MEI1: variants seen among roughly 807,000 people sequenced by gnomAD.
MEI1 encodes the protein meiosis inhibitor protein 1.
In MEI1, 103 loss-of-function variants were observed where a neutral mutation model predicts 146.2. The observed-to-expected ratio is 0.70, with a 90% confidence interval of 0.60 to 0.83. The LOEUF is 0.83. Ranked by LOEUF, MEI1 falls within the 40% of genes least tolerant of loss-of-function variation. The pLI is 0.00. For missense variants in MEI1, 1,529 were observed against 1,533.0 expected (o/e 1.00, Z 0.04); for synonymous variants, 652 against 628.2 (o/e 1.04, Z -0.57).
chr22:41,744,268 T>C (rs182181958), intron 12 of MEI1, among the ~76,000 whole-genome samples: 1 of 152,084 alleles, frequency 6.6e-6, no homozygotes, highest in East Asian at 1.9e-4. Flanking sequence ...CCTCCGGGGT[T>C]CAAGCAATTC....
At chr22:41,753,003 A>G (rs1015003497) in intron 16 of MEI1, among the ~76,000 whole-genome samples, 2 of 151,206 alleles carry the variant, frequency 1.3e-5, no homozygotes, top group African/African-American at 4.9e-5. Context: ...CAGCATAGCA[A>G]GACCCTGGTC....
At chr22:41,721,619 C>T (rs1401981872) in intron 6 of MEI1, among the ~76,000 whole-genome samples, 1 of 151,360 alleles carries the variant, frequency 6.6e-6, no homozygotes, top group Non-Finnish European at 1.5e-5. Context: ...TCTTGAACTG[C>T]TGGGCTCAAG....
At chr22:41,773,649 G>A (rs185637093) in intron 20 of MEI1, among the ~76,000 whole-genome samples, 3 of 151,924 alleles carry the variant, frequency 2.0e-5, no homozygotes, top group Admixed American at 2.0e-4. Flanking sequence ...GCTGAGGCGG[G>A]TGGGTCACAA....
rs113484758 is a variant in MEI1 at position 41,793,806 on chromosome 22, ATTT to A, written c.3346-9_3346-7del. 2.2e-4 allele frequency: 308 copies of A among 1,399,186 alleles called. No individual in the cohort carries two copies. The highest frequency in any genetic ancestry group is 1.6e-3 in the African/African-American group (110 of 67,040). 86.7% of individuals were successfully genotyped at this position (1,399,186 alleles called of 1,614,324 possible). A position where few individuals can be genotyped will look rare whatever the true frequency, so the allele number is the denominator to read the frequency against. Reference sequence around the variant, plus strand: ...GCCATTGGTAGCAAAACCTGACCTGATTTTTTTTTTTTTTTTCTGCAGAAGGAC... The same window carrying A: ...GCCATTGGTAGCAAAACCTGACCTGATTTTTTTTTTTTTCTGCAGAAGGAC... On this transcript the variant is annotated intron_variant, in intron 26 of 30. Transcript: ENST00000401548.
intron 19 of MEI1, chr22:41,767,616 A>T (rs1481596982): frequency 2.2e-6 from 1 of 455,810 alleles, no homozygotes; most frequent in Non-Finnish European, 4.4e-6. Flanking sequence ...TAAGCTGTTG[A>T]ACACAACTCT....
chr22:41,746,970 A>G (rs1433331249), intron 14 of MEI1, among the ~76,000 whole-genome samples: 1 of 152,084 alleles, frequency 6.6e-6, no homozygotes, highest in Non-Finnish European at 1.5e-5. Context: ...CTAGAAGTAG[A>G]TCATAGAATT....
At chr22:41,775,083 T>A (rs753427581) in intron 20 of MEI1, among the ~76,000 whole-genome samples, 3 of 152,246 alleles carry the variant, frequency 2.0e-5, no homozygotes, top group Non-Finnish European at 4.4e-5. Flanking sequence ...AATTGGCTTC[T>A]TTGAGCTAGC....
At chr22:41,736,406 TC>T (rs1194353005) in intron 11 of MEI1, among the ~76,000 whole-genome samples, 2 of 151,778 alleles carry the variant, frequency 1.3e-5, no homozygotes, top group Non-Finnish European at 2.9e-5. Context: ...CCTGCCACCA[TC>T]CCTGGCTAAT....
chr22:41,738,325 A>G (rs1382944059), intron 11 of MEI1, among the ~76,000 whole-genome samples: 3 of 152,096 alleles, frequency 2.0e-5, no homozygotes, highest in Non-Finnish European at 4.4e-5. Flanking sequence ...GTGGTGGCTC[A>G]TGCCTGTAAT....
At chr22:41,737,463 T>C (rs1403007122) in intron 11 of MEI1, among the ~76,000 whole-genome samples, 1 of 151,962 alleles carries the variant, frequency 6.6e-6, no homozygotes, top group East Asian at 1.9e-4. Flanking sequence ...ATGATCTCGA[T>C]CTCCTGACCT....
rs772483793 is a variant in MEI1, at chr22:41,795,371, C to A, written c.3535-40C>A. The stretch of plus-strand genomic sequence containing the variant: ...CAGTTGTCTATGATGAAGGAGATGC[C>A]AAATCACTGGGTGTTTGGGGGTTTC... On this transcript the variant is annotated intron_variant, in intron 28 of 30. Coordinates refer to ENST00000401548, the MANE Select transcript of MEI1 (RefSeq NM_152513.4). The surrounding 1 kb of genome is among the most constrained non-coding windows in gnomAD (Gnocchi z 4.2). 7 of 1,609,620 alleles carry A rather than the reference C, an allele frequency of 4.3e-6. No homozygotes were observed. The highest frequency in any genetic ancestry group is 5.1e-6 in the Non-Finnish European group (6 of 1,177,092).
Position 41,716,129 on chromosome 22 carries a change from A to T in MEI1, c.512A>T (p.Glu171Val). The T allele has an allele frequency of 6.2e-7, 1 of 1,608,654 alleles. No individual in the cohort carries two copies. Among genetic ancestry groups the T allele is most frequent in the Non-Finnish European group, 8.5e-7 (1 of 1,177,514 alleles). ...LVDAIPALAD[E>V]LVMEHGNLME... ...GATGCCATCCCTGCTCTGGCAGACG[A>T]GCTTGTAATGGAGCATGGTGAGTGA... The change falls in exon 5 of 31, where the codon GAG becomes GTG. Residue 171 changes from glutamate to valine, a missense_variant. Physicochemically the swap from Glu to Val is moderately radical, Grantham distance 121. Transcript: ENST00000401548.
chr22:41,715,977 C>T (rs950153322), intron 4 of MEI1, 64 bp from the exon 5 acceptor site: 68 of 1,200,444 alleles, frequency 5.7e-5, no homozygotes, highest in Non-Finnish European at 7.8e-5. Context: ...AGGGAAAGAT[C>T]AGTTTTGGTG....
chr22:41,775,346 A>G (rs1298944150), intron 20 of MEI1, among the ~76,000 whole-genome samples: 1 of 151,756 alleles, frequency 6.6e-6, no homozygotes, highest in Non-Finnish European at 1.5e-5. Context: ...CAGTGACATC[A>G]TTTCTCTTTC....
Position 41,795,936 on chromosome 22 carries a change from A to G in MEI1, c.3779+89A>G. The G allele has an allele frequency of 2.5e-6, 4 of 1,612,290 alleles. No individual in the cohort carries two copies. Among genetic ancestry groups the G allele is most frequent in the Non-Finnish European group, 3.4e-6 (4 of 1,179,668 alleles). ...CCTGGGCCAGTTTATGCGGTACCGGAGTAGCAGTGTCCTCTCTCATGAAGA... is the reference window on the plus strand; with the variant it reads ...CCTGGGCCAGTTTATGCGGTACCGGGGTAGCAGTGTCCTCTCTCATGAAGA... On this transcript the variant is annotated intron_variant, in intron 30 of 30. Coordinates refer to ENST00000401548, the MANE Select transcript of MEI1 (RefSeq NM_152513.4). This position sits in a 1 kb window ranked among gnomAD's most constrained non-coding sequence, Gnocchi z 4.2.
Position 41,795,928 on chromosome 22 carries a change from G to A in MEI1, c.3779+81G>A, listed in dbSNP as rs760606156. The A allele has an allele frequency of 7.7e-5, 124 of 1,612,344 alleles. No homozygotes were observed. The highest frequency in any genetic ancestry group is 9.9e-5 in the Non-Finnish European group (117 of 1,179,620). On this transcript the variant is annotated intron_variant, in intron 30 of 30. Coordinates refer to ENST00000401548, the MANE Select transcript of MEI1 (RefSeq NM_152513.4). The surrounding 1 kb of genome is among the most constrained non-coding windows in gnomAD (Gnocchi z 4.2). Reference sequence around the variant, plus strand: ...CTTCTCTTCCTGGGCCAGTTTATGCGGTACCGGAGTAGCAGTGTCCTCTCT... The same window carrying A: ...CTTCTCTTCCTGGGCCAGTTTATGCAGTACCGGAGTAGCAGTGTCCTCTCT...
intron 15 of MEI1, among the ~76,000 whole-genome samples, chr22:41,751,339 G>A (rs571590498): frequency 6.6e-6 from 1 of 152,300 alleles, no homozygotes; most frequent in East Asian, 1.9e-4. Context: ...GGTGAAGTGG[G>A]AGCTTCTGAT....
At chr22:41,720,289 G>GA (rs2070648973) in intron 6 of MEI1, among the ~76,000 whole-genome samples, 1 of 152,108 alleles carries the variant, frequency 6.6e-6, no homozygotes, top group Non-Finnish European at 1.5e-5. Flanking sequence ...GGCAGTGTTG[G>GA]AGTTAGTGCA....
intron 15 of MEI1, 122 bp downstream of exon 15, chr22:41,748,340 CTA>C: frequency 1.4e-6 from 1 of 706,278 alleles, no homozygotes; most frequent in Non-Finnish European, 2.5e-6. Flanking sequence ...GAATCTGTAT[CTA>C]TTCTTTGTCC....
Sources: allele counts gnomAD v4.1 joint callset (sites outside exome capture counted in the v4.1 genomes callset), GRCh38; gene constraint gnomAD v4.1.1; non-coding constraint Gnocchi (gnomAD v3.1); transcripts MANE v1.5; gene names NCBI Gene and HGNC (gene_info 2026-07-23, HGNC 2026-07-21).